FBXW4: variants seen among roughly 807,000 people sequenced by gnomAD.
FBXW4 encodes the protein F-box/WD repeat-containing protein 4.
Under a neutral mutation model 61.8 loss-of-function variants are expected in FBXW4, and 40 were observed. The observed-to-expected ratio is 0.65, with a 90% CI of 0.50 to 0.84. The LOEUF is 0.84. Among genes scored for constraint, FBXW4 ranks in the 40% least tolerant of loss-of-function variants. FBXW4 has a pLI of 0.00. For missense variants in FBXW4, 672 were observed against 753.8 expected (o/e 0.89, Z 1.27); for synonymous variants, 311 against 313.8 (o/e 0.99, Z 0.10).
At chr10:101,642,647 A>C (rs536237512) in intron 5 of FBXW4, among the ~76,000 whole-genome samples, 1 of 152,294 alleles carries the variant, frequency 6.6e-6, no homozygotes, top group East Asian at 1.9e-4. Flanking sequence ...TGTAGGCACC[A>C]AATTCTACCT....
intron 6 of FBXW4, chr10:101,622,736 A>C (rs1222798116): frequency 6.6e-6 from 1 of 151,374 alleles, no homozygotes; most frequent in Non-Finnish European, 1.5e-5. Flanking sequence ...TCAAAAAAAA[A>C]AAAAAAAAAA....
intron 4 of FBXW4, among the ~76,000 whole-genome samples, chr10:101,668,996 T>C (rs1298117333): frequency 6.6e-6 from 1 of 152,194 alleles, no homozygotes; most frequent in East Asian, 1.9e-4. Context: ...TGGAAGAACT[T>C]TAAAGGAAAC....
rs552011746 is a variant in FBXW4 at position 101,617,954 on chromosome 10, GA to G, written c.1302-5478del. Among the ~76,000 whole-genome samples the G allele has an allele frequency of 4.0e-4, 61 of 152,366 alleles. 1 individual carries two copies. The highest frequency in any genetic ancestry group is 1.1e-3 in the African/African-American group (45 of 41,592). ...CAAAGGAGAAGGGAGGTACTTTAAA[GA>G]GGGGCAGTTCCCGTAATCACCCTGA... On this transcript the variant is annotated intron_variant, in intron 6 of 8. Coordinates refer to ENST00000331272, the MANE Select transcript of FBXW4 (RefSeq NM_022039.4).
chr10:101,677,412 A>G (rs2064424822), intron 1 of FBXW4, among the ~76,000 whole-genome samples: 1 of 152,210 alleles, frequency 6.6e-6, no homozygotes, highest in African/African-American at 2.4e-5. Flanking sequence ...AATGAAATAA[A>G]TCTTACACAA....
At chr10:101,616,902 T>C (rs915152506) in intron 6 of FBXW4, among the ~76,000 whole-genome samples, 1 of 152,192 alleles carries the variant, frequency 6.6e-6, no homozygotes, top group Non-Finnish European at 1.5e-5. Context: ...CAATGTCGTA[T>C]AGCAAGGAAA....
intron 5 of FBXW4, among the ~76,000 whole-genome samples, chr10:101,641,760 G>A (rs115971410): frequency 2.3e-4 from 35 of 151,826 alleles, no homozygotes; most frequent in Non-Finnish European, 2.2e-4. Context: ...AATTAGGTAC[G>A]AGGAAACCAA....
At chr10:101,660,310 T>A (rs1419179060) in intron 5 of FBXW4, 24 of 640,114 alleles carry the variant, frequency 3.7e-5, no homozygotes, top group Non-Finnish European at 4.5e-5. Flanking sequence ...ATTACACACT[T>A]GCTTGGGAAG....
chr10:101,611,875 G>A lies in FBXW4; in HGVS notation c.1443-106C>T, dbSNP rs1445110332. The A allele has an allele frequency of 4.0e-5, 53 of 1,317,258 alleles. No homozygotes were observed. In the East Asian group the frequency reaches 9.7e-4, roughly 24 times the overall value. The allele number at this position is 1,317,258 out of a possible 1,614,324, so 81.6% of individuals were successfully genotyped here. ...GAGGGGAGCGTTAAGGAGCCATTCCGGGATGGAAGAGAAAGAAGCCTAAAT... is the reference window on the plus strand; with the variant it reads ...GAGGGGAGCGTTAAGGAGCCATTCCAGGATGGAAGAGAAAGAAGCCTAAAT... On this transcript the variant is annotated intron_variant, in intron 7 of 8. Transcript: ENST00000331272. The surrounding 1 kb of genome is among the most constrained non-coding windows in gnomAD (Gnocchi z 4.9).
intron 5 of FBXW4, among the ~76,000 whole-genome samples, chr10:101,666,151 C>T (rs1342099563): frequency 2.0e-5 from 3 of 152,202 alleles, no homozygotes; most frequent in Non-Finnish European, 4.4e-5. Flanking sequence ...TTTCCACTCT[C>T]CGCTCCCACA....
chr10:101,688,292 A>T (rs2064554043), intron 1 of FBXW4, among the ~76,000 whole-genome samples: 1 of 152,190 alleles, frequency 6.6e-6, no homozygotes, highest in South Asian at 2.1e-4. Flanking sequence ...CCCTGTCTTC[A>T]TTTCACAGTT....
intron 5 of FBXW4, among the ~76,000 whole-genome samples, chr10:101,631,729 G>C (rs545337578): frequency 6.6e-6 from 1 of 151,684 alleles, no homozygotes; most frequent in African/African-American, 2.4e-5. Context: ...CCAGGTTCAA[G>C]CAATTCTTCT....
intron 5 of FBXW4, among the ~76,000 whole-genome samples, chr10:101,637,572 G>A (rs1231462202): frequency 6.6e-6 from 1 of 151,562 alleles, no homozygotes; most frequent in Admixed American, 6.6e-5. Context: ...GCCAGGTGTG[G>A]TGGTGCATGC....
chr10:101,654,195 C>G (rs976741127), intron 5 of FBXW4, among the ~76,000 whole-genome samples: 8 of 150,690 alleles, frequency 5.3e-5, no homozygotes, highest in Non-Finnish European at 7.4e-5. Context: ...TATTTCTTTC[C>G]CCAAAAAAGG....
intron 1 of FBXW4, among the ~76,000 whole-genome samples, chr10:101,681,366 C>T (rs542768761): frequency 1.5e-3 from 216 of 143,778 alleles, no homozygotes; most frequent in Non-Finnish European, 2.8e-3. Flanking sequence ...CCAGCCTGGG[C>T]GACAAGAGCG....
chr10:101,673,408 G>C lies in FBXW4; in HGVS notation c.1007+80C>G, dbSNP rs1215359347. The C allele has an allele frequency of 4.6e-6, 7 of 1,507,560 alleles. No individual in the cohort carries two copies. The East Asian group carries it at 6.8e-5, about 15-fold the overall frequency. 93.4% of individuals were successfully genotyped at this position (1,507,560 alleles called of 1,614,324 possible). On this transcript the variant is annotated intron_variant, in intron 3 of 8. Transcript: ENST00000331272. ...TCCCTCCTCATCCCTTTGGAGTTAA[G>C]ACAGAAAAGTCAGAGGCAGGCAGAA...
At chr10:101,640,484 C>CTTT (rs386372272) in intron 5 of FBXW4, among the ~76,000 whole-genome samples, 4,361 of 83,760 alleles carry the variant, frequency 0.052, 496 homozygotes, top group South Asian at 0.069. Context: ...CTTTCTTTCT[C>CTTT]TTTTTTTTTT....
At chr10:101,612,303 C>A in intron 7 of FBXW4, 34 bp downstream of exon 7, 1 of 1,501,738 alleles carries the variant, frequency 6.7e-7, no homozygotes, top group Non-Finnish European at 8.9e-7. Flanking sequence ...GTGCAGGGCC[C>A]CCACCACCTG....
At chr10:101,665,833 A>G (rs2064293350) in intron 5 of FBXW4, among the ~76,000 whole-genome samples, 1 of 152,130 alleles carries the variant, frequency 6.6e-6, no homozygotes, top group Non-Finnish European at 1.5e-5. Context: ...TGGAATAGAG[A>G]AATGTTGGGT....
chr10:101,631,209 A>C (rs940442400), intron 5 of FBXW4, among the ~76,000 whole-genome samples: 6 of 152,270 alleles, frequency 3.9e-5, no homozygotes, highest in African/African-American at 1.2e-4. Flanking sequence ...CAGAAAATTT[A>C]AATTCAAAAG....
Sources: allele counts gnomAD v4.1 joint callset (sites outside exome capture counted in the v4.1 genomes callset), GRCh38; gene constraint gnomAD v4.1.1; non-coding constraint Gnocchi (gnomAD v3.1); transcripts MANE v1.5; gene names NCBI Gene and HGNC (gene_info 2026-07-23, HGNC 2026-07-21).